Variants in SPIRE1 observed in about 807,000 individuals in gnomAD.
SPIRE1 encodes the protein spire type actin nucleation factor 1, also known as protein spire homolog 1.
A neutral mutation model predicts 94.1 loss-of-function variants in SPIRE1; 40 were observed. That is an observed-to-expected ratio of 0.43 (90% CI 0.33 to 0.55). The LOEUF is 0.55. Ranked by LOEUF, SPIRE1 falls within the 20% of genes least tolerant of loss-of-function variation. The probability of loss-of-function intolerance (pLI) is 0.06; values close to 1 mark genes in which losing one functional copy is unlikely to be tolerated. For missense variants in SPIRE1, 838 were observed against 975.2 expected, an observed-to-expected ratio of 0.86 and a Z score of 1.87; for synonymous variants, 376 against 371.7, an observed-to-expected ratio of 1.01 and a Z score of -0.13.
At chr18:12,570,269 A>G (rs2035929842) in intron 2 of SPIRE1, among the ~76,000 whole-genome samples, 1 of 152,244 alleles carries the variant, frequency 6.6e-6, no homozygotes, top group South Asian at 2.1e-4. Flanking sequence ...TATGTGCTTT[A>G]AAATTTTTGT....
At chr18:12,552,380 AC>A (rs1191455541) in intron 2 of SPIRE1, among the ~76,000 whole-genome samples, 1 of 151,846 alleles carries the variant, frequency 6.6e-6, no homozygotes, top group Non-Finnish European at 1.5e-5. Flanking sequence ...TCCAAAAGAG[AC>A]CCCTTTTTTC....
At chr18:12,634,987 T>G (rs12454931) in intron 2 of SPIRE1, 75 bp downstream of exon 2, 317,739 of 746,932 alleles carry the variant, frequency 0.43, 70,167 homozygotes, top group East Asian at 0.59. Flanking sequence ...TATAGTGAGA[T>G]AGTTCAGTAC....
intron 10 of SPIRE1, among the ~76,000 whole-genome samples, chr18:12,465,187 G>GT (rs2032040258): frequency 6.6e-6 from 1 of 151,984 alleles, no homozygotes; most frequent in Non-Finnish European, 1.5e-5. Flanking sequence ...GCTTCTTTCT[G>GT]TTTTTTGGAG....
intron 2 of SPIRE1, among the ~76,000 whole-genome samples, chr18:12,612,018 C>G (rs1305917882): frequency 1.3e-5 from 2 of 152,012 alleles, no homozygotes; most frequent in Non-Finnish European, 2.9e-5. Flanking sequence ...ACACCCTTTA[C>G]AAAAAAATGC....
chr18:12,586,284 G>A (rs12605392), intron 2 of SPIRE1, among the ~76,000 whole-genome samples: 84,654 of 151,982 alleles, frequency 0.56, 24,711 homozygotes, highest in Middle Eastern at 0.75. Context: ...ACAAAAAAAC[G>A]TAAAAATCAC....
At chr18:12,593,095 A>G (rs564972366) in intron 2 of SPIRE1, among the ~76,000 whole-genome samples, 5 of 152,386 alleles carry the variant, frequency 3.3e-5, no homozygotes, top group African/African-American at 1.2e-4. Context: ...AAAAGCTTTT[A>G]GCTTCATGCT....
intron 6 of SPIRE1, among the ~76,000 whole-genome samples, chr18:12,497,718 G>A (rs2033509345): frequency 6.6e-6 from 1 of 152,110 alleles, no homozygotes; most frequent in African/African-American, 2.4e-5. Context: ...CCCACTACTT[G>A]TGGATTTCAT....
At chr18:12,481,988 T>G (rs1262070856) in intron 9 of SPIRE1, among the ~76,000 whole-genome samples, 2 of 151,982 alleles carry the variant, frequency 1.3e-5, no homozygotes, top group Non-Finnish European at 2.9e-5. Context: ...TGGCAGCAGG[T>G]CACTTTCTAA....
chr18:12,620,882 A>G (rs35630805), intron 2 of SPIRE1, among the ~76,000 whole-genome samples: 58,843 of 151,808 alleles, frequency 0.39, 12,043 homozygotes, highest in East Asian at 0.59. Context: ...ATGGGAGAAA[A>G]TATTGGCAAA....
chr18:12,459,441 C>T (rs974306487), intron 12 of SPIRE1, among the ~76,000 whole-genome samples: 7 of 152,226 alleles, frequency 4.6e-5, no homozygotes, highest in African/African-American at 7.2e-5. Flanking sequence ...ATGCACCCCA[C>T]GGGCTCAGAG....
intron 6 of SPIRE1, among the ~76,000 whole-genome samples, chr18:12,497,338 C>T (rs1477438641): frequency 3.3e-5 from 5 of 152,060 alleles, no homozygotes; most frequent in Non-Finnish European, 7.3e-5. Flanking sequence ...CAGAAAACCA[C>T]AAGAAGCAAC....
intron 2 of SPIRE1, among the ~76,000 whole-genome samples, chr18:12,579,361 A>G (rs2036198977): frequency 6.6e-6 from 1 of 152,216 alleles, no homozygotes; most frequent in Non-Finnish European, 1.5e-5. Flanking sequence ...TAAAAACATT[A>G]TGCTAAGTGT....
intron 2 of SPIRE1, among the ~76,000 whole-genome samples, chr18:12,631,225 T>A (rs1192436076): frequency 1.3e-5 from 2 of 152,114 alleles, no homozygotes; most frequent in African/African-American, 2.4e-5. Flanking sequence ...AGCTTTTTTT[T>A]AATGTGGGCT....
At chr18:12,654,178 A>G (rs1294304322) in intron 1 of SPIRE1, among the ~76,000 whole-genome samples, 2 of 150,506 alleles carry the variant, frequency 1.3e-5, no homozygotes, top group Non-Finnish European at 3.0e-5. Context: ...CTCTACTAAA[A>G]ATACAAAAAT....
rs1222680383 is a variant in SPIRE1 at position 12,449,418 on chromosome 18, C to T, written c.*220G>A. 1.8e-6 allele frequency: 1 copy of T among 566,348 alleles called. No homozygotes were observed. The highest frequency in any genetic ancestry group is 3.1e-6 in the Non-Finnish European group (1 of 321,380). The allele number at this position is 566,348 out of a possible 1,614,324, so 35.1% of individuals were successfully genotyped here. ...ACAAAAGTAAGTTTCAAACTGTTGT[C>T]CTCTCTCAGTGCAAACGAGCAATTG... On this transcript the variant is annotated 3_prime_UTR_variant, in exon 17 of 17. Transcript: ENST00000409402.
At chr18:12,496,510 G>C (rs1000764649) in intron 6 of SPIRE1, among the ~76,000 whole-genome samples, 4 of 152,180 alleles carry the variant, frequency 2.6e-5, no homozygotes, top group Non-Finnish European at 4.4e-5. Context: ...GAGGCAGGCG[G>C]AACCCCTGAG....
chr18:12,509,261 C>T (rs187417240), intron 5 of SPIRE1, among the ~76,000 whole-genome samples: 285 of 152,312 alleles, frequency 1.9e-3, no homozygotes, highest in African/African-American at 6.3e-3. Flanking sequence ...TGGTGATCTA[C>T]GCAAATATAA....
chr18:12,553,032 C>A (rs2035398824), intron 2 of SPIRE1, among the ~76,000 whole-genome samples: 1 of 152,160 alleles, frequency 6.6e-6, no homozygotes, highest in African/African-American at 2.4e-5. Context: ...TCATCACCTG[C>A]TGACTAATGA....
At chr18:12,537,584 G>A (rs1027800247) in intron 3 of SPIRE1, among the ~76,000 whole-genome samples, 4 of 152,034 alleles carry the variant, frequency 2.6e-5, no homozygotes, top group Admixed American at 2.0e-4. Context: ...TCTAAAAAAT[G>A]TTTTTTTAAA....
Sources: gnomAD v4.1 joint callset for allele counts (sites outside exome capture counted in the v4.1 genomes callset) on GRCh38, gnomAD v4.1.1 for gene constraint, MANE v1.5 for transcripts, NCBI Gene and HGNC (gene_info 2026-07-23, HGNC 2026-07-21) for gene names.